Variants in SYT9 observed in about 807,000 individuals in gnomAD.
SYT9 encodes synaptotagmin-9.
In SYT9, 22 loss-of-function variants were observed where a neutral mutation model predicts 48.4. The ratio of observed to expected loss-of-function variants is 0.45; its 90% confidence interval spans 0.32 to 0.65. The LOEUF is 0.65. SYT9 is among the 30% of genes least tolerant of loss of function. The pLI, the probability that SYT9 is intolerant of heterozygous loss-of-function variation, is 0.03. For missense variants in SYT9, 577 were observed against 622.0 expected (o/e 0.93, Z 0.77); for synonymous variants, 265 against 245.0 (o/e 1.08, Z -0.76).
At chr11:7,276,326 C>T (rs1179295649) in intron 1 of SYT9, among the ~76,000 whole-genome samples, 1 of 152,190 alleles carries the variant, frequency 6.6e-6, no homozygotes, top group African/African-American at 2.4e-5. Flanking sequence ...TCTTATTGCA[C>T]CTCTTAATGT....
At chr11:7,369,389 G>T (rs1406719462) in intron 3 of SYT9, among the ~76,000 whole-genome samples, 1 of 151,938 alleles carries the variant, frequency 6.6e-6, no homozygotes, top group Admixed American at 6.6e-5. Context: ...ACCTTTGTCA[G>T]ATAGGTAGAT....
intron 1 of SYT9, among the ~76,000 whole-genome samples, chr11:7,299,292 A>T (rs1848871184): frequency 6.6e-6 from 1 of 152,194 alleles, no homozygotes; most frequent in Non-Finnish European, 1.5e-5. Context: ...ATTCCAAAGT[A>T]GCTTTCTAGC....
At chr11:7,345,823 TAAAAG>T (rs887655885) in intron 3 of SYT9, among the ~76,000 whole-genome samples, 1 of 152,228 alleles carries the variant, frequency 6.6e-6, no homozygotes, top group African/African-American at 2.4e-5. Flanking sequence ...TGTAGAGTGA[TAAAAG>T]AGGAGGACAG....
At chr11:7,426,963 A>G (rs545649016) in intron 6 of SYT9, among the ~76,000 whole-genome samples, 85 of 152,310 alleles carry the variant, frequency 5.6e-4, no homozygotes, top group Middle Eastern at 6.8e-3. Flanking sequence ...CTAGCTGATC[A>G]TTTACCTTGA....
At chr11:7,348,686 TCC>T (rs1849847860) in intron 3 of SYT9, among the ~76,000 whole-genome samples, 1 of 99,698 alleles carries the variant, frequency 1.0e-5, no homozygotes, top group African/African-American at 3.5e-5. Context: ...CCATCAGACC[TCC>T]TTTTTTTTTT....
Position 7,418,058 on chromosome 11 carries a change from A to G in SYT9, c.1267A>G (p.Ile423Val), listed in dbSNP as rs751691304. 3 of 1,614,180 alleles carry G rather than the reference A, an allele frequency of 1.9e-6. No homozygotes were observed. The highest frequency in any genetic ancestry group is 2.2e-5 in the East Asian group (1 of 44,884). ...CTTGAATCCTGTTTACAACGAAGCC[A>G]TAGTCTTTGATGTCCCTCCCGAGAA... ...NTLNPVYNEA[I>V]VFDVPPENID... is the part of the protein sequence containing the mutation. Residue 423 changes from isoleucine to valine, a missense_variant, in exon 5 of 7, where the codon ATA becomes GTA. Coordinates refer to ENST00000318881, the MANE Select transcript of SYT9 (RefSeq NM_175733.4).
At chr11:7,357,130 C>G (rs1009039331) in intron 3 of SYT9, among the ~76,000 whole-genome samples, 1 of 152,060 alleles carries the variant, frequency 6.6e-6, no homozygotes, top group South Asian at 2.1e-4. Flanking sequence ...AGAAGTTGTT[C>G]AAAGAGAATT....
In SYT9 at chr11:7,266,597, C is replaced by G. The variant is rs74349920; in HGVS notation, c.145+14266C>G. 7.5e-3 allele frequency among the ~76,000 whole-genome samples: 1,144 copies of G among 152,204 alleles called. 17 individuals carry two copies. Among genetic ancestry groups the G allele is most frequent in the African/African-American group, 0.027 (1,103 of 41,538 alleles). On this transcript the variant is annotated intron_variant, in intron 1 of 6. Coordinates refer to ENST00000318881, the MANE Select transcript of SYT9 (RefSeq NM_175733.4). The stretch of plus-strand genomic sequence containing the variant: ...CAGCTCTTTTCGATTGCATTGTCTT[C>G]TTTTTTTATCTTTTAATTTTTGTAT...
chr11:7,333,039 C>T (rs1219389501), intron 3 of SYT9, among the ~76,000 whole-genome samples: 1 of 152,152 alleles, frequency 6.6e-6, no homozygotes, highest in Non-Finnish European at 1.5e-5. Context: ...TTCAACCTTT[C>T]GAGAATCGAA....
intron 3 of SYT9, among the ~76,000 whole-genome samples, chr11:7,403,866 A>ATAGGT (rs1486881475): frequency 1.1e-4 from 16 of 152,184 alleles, no homozygotes; most frequent in Non-Finnish European, 2.4e-4. Flanking sequence ...TAGGTATTCA[A>ATAGGT]ATCTCTGACT....
At chr11:7,408,760 C>G (rs1172402928) in intron 3 of SYT9, among the ~76,000 whole-genome samples, 2 of 152,174 alleles carry the variant, frequency 1.3e-5, no homozygotes, top group African/African-American at 2.4e-5. Flanking sequence ...ATCATATCAT[C>G]AGCAAAGAAA....
At chr11:7,440,560 A>G (rs970406099) in intron 6 of SYT9, 1 of 152,236 alleles carries the variant, frequency 6.6e-6, no homozygotes, top group Non-Finnish European at 1.5e-5. Context: ...TCTCATGGAC[A>G]TAAACGTTCC....
At chr11:7,321,017 A>G (rs1849328830) in intron 3 of SYT9, among the ~76,000 whole-genome samples, 1 of 151,798 alleles carries the variant, frequency 6.6e-6, no homozygotes, top group South Asian at 2.1e-4. Context: ...GTAGGCATTA[A>G]GCACTTCAGG....
chr11:7,257,909 C>T (rs1446224631), intron 1 of SYT9, among the ~76,000 whole-genome samples: 2 of 152,124 alleles, frequency 1.3e-5, no homozygotes, highest in Non-Finnish European at 2.9e-5. Context: ...AAAACAAAAG[C>T]AAATTGTAGT....
intron 3 of SYT9, among the ~76,000 whole-genome samples, chr11:7,329,478 A>G (rs984590387): frequency 6.6e-6 from 1 of 152,152 alleles, no homozygotes; most frequent in Admixed American, 6.5e-5. Flanking sequence ...CAGTCAGATA[A>G]TTATAAAATA....
chr11:7,422,150 G>A lies in SYT9; in HGVS notation c.1467+1515G>A, dbSNP rs1847368001. Among the ~76,000 whole-genome samples the A allele has an allele frequency of 2.6e-5, 4 of 152,168 alleles. No homozygotes were observed. The South Asian group carries it at 8.3e-4, about 32-fold the overall frequency. ...GGGCACCCCTGCCATTGATAGTCAGGTGAGTCTGGTTGAAGTGAACACAGG... is the reference window on the plus strand; with the variant it reads ...GGGCACCCCTGCCATTGATAGTCAGATGAGTCTGGTTGAAGTGAACACAGG... On this transcript the variant is annotated intron_variant, in intron 6 of 6. Transcript: ENST00000318881.
chr11:7,280,144 T>A (rs1848468179), intron 1 of SYT9, among the ~76,000 whole-genome samples: 1 of 152,264 alleles, frequency 6.6e-6, no homozygotes, highest in Non-Finnish European at 1.5e-5. Context: ...TTTTAAGTGT[T>A]ACTCATATAA....
At chr11:7,409,926 A>G (rs1248627292) in intron 3 of SYT9, among the ~76,000 whole-genome samples, 1 of 151,906 alleles carries the variant, frequency 6.6e-6, no homozygotes, top group Non-Finnish European at 1.5e-5. Flanking sequence ...GTTCCTTGAG[A>G]TGCATCATTG....
intron 3 of SYT9, among the ~76,000 whole-genome samples, chr11:7,315,633 G>A (rs540359884): frequency 6.6e-6 from 1 of 152,366 alleles, no homozygotes; most frequent in Admixed American, 6.5e-5. Flanking sequence ...TTTGTGGTGA[G>A]AGCAACGTTG....
Sources: gnomAD v4.1 joint callset for allele counts (sites outside exome capture counted in the v4.1 genomes callset) on GRCh38, gnomAD v4.1.1 for gene constraint, MANE v1.5 for transcripts, NCBI Gene and HGNC (gene_info 2026-07-23, HGNC 2026-07-21) for gene names.